ASAH1: variants seen among roughly 807,000 people sequenced by gnomAD.
ASAH1 encodes acid ceramidase.
Under a neutral mutation model 59.5 loss-of-function variants are expected in ASAH1, and 70 were observed. The observed-to-expected ratio is 1.18, with a 90% CI of 0.97 to 1.43. The LOEUF (loss-of-function observed/expected upper bound fraction) is 1.43, where lower values mean the gene tolerates loss of function less well. ASAH1 is among the 40% of genes most tolerant of loss of function. The pLI is 0.00. For synonymous variants in ASAH1, 213 were observed against 166.5 expected, an observed-to-expected ratio of 1.28 and a Z score of -2.15; for missense variants, 660 against 482.5, an observed-to-expected ratio of 1.37 and a Z score of -3.45.
At position 18,062,462 on chromosome 8, in the gene ASAH1, G is replaced by T. The variant is rs143342058; in HGVS notation, c.504-39C>A. 6.8e-6 allele frequency: 11 copies of T among 1,610,048 alleles called. No individual in the cohort carries two copies. The Admixed American group carries it at 1.8e-4, about 27-fold the overall frequency. ...GTTTCAGTGACATTTCAGAAACACAGTGATAGTAATGATCAACATGATGAT... is the reference window on the plus strand; with the variant it reads ...GTTTCAGTGACATTTCAGAAACACATTGATAGTAATGATCAACATGATGAT... On this transcript the variant is annotated intron_variant, in intron 7 of 13. Coordinates refer to ENST00000637790, the MANE Select transcript of ASAH1 (RefSeq NM_177924.5).
rs1799968527 is a variant in ASAH1 at position 18,067,249 on chromosome 8, C to A, written c.353G>T (p.Gly118Val). Residue 118 changes from glycine (G) to valine (V), a missense_variant, in exon 5 of 14, where the codon GGT becomes GTT. Physicochemically the swap from Gly to Val is moderately radical, Grantham distance 109. Coordinates refer to ENST00000637790, the MANE Select transcript of ASAH1 (RefSeq NM_177924.5). ...FPGPFEEEMKGIAAVTDIPLG... is the reference protein window; with the variant it reads ...FPGPFEEEMKVIAAVTDIPLG... ...AGGTATATCAGTAACAGCGGCAATA[C>A]CCTTCATTTCCTCTTCAAAAGGGCC... 6.2e-7 allele frequency: 1 copy of A among 1,606,176 alleles called. No homozygotes were observed. The highest frequency in any genetic ancestry group is 8.5e-7 in the Non-Finnish European group (1 of 1,175,650).
upstream of ASAH1, chr8:18,084,584 C>G: frequency 6.3e-7 from 1 of 1,576,258 alleles, no homozygotes; most frequent in Admixed American, 1.8e-5. Context: ...TATTCATCCC[C>G]ACCGCGGAGT....
intron 1 of ASAH1, chr8:18,082,536 A>G (rs1800695575): frequency 6.6e-6 from 1 of 152,188 alleles, no homozygotes; most frequent in Admixed American, 6.5e-5. Context: ...CCTGCAACGC[A>G]CAAAACACCA....
At chr8:18,084,356 T>G, upstream of ASAH1, 1 of 1,400,776 alleles carries the variant, frequency 7.1e-7, no homozygotes, top group East Asian at 2.7e-5. Context: ...CCGCGGGCAA[T>G]AGTCGGACCG....
In ASAH1 at chr8:18,061,143, G is replaced by A. The variant is rs1249131067; in HGVS notation, c.785+234C>T. On this transcript the variant is annotated intron_variant, in intron 10 of 13. Coordinates refer to ENST00000637790, the MANE Select transcript of ASAH1 (RefSeq NM_177924.5). ...CTGTACACCAAAAATATTCATAGGT[G>A]CCTTTCATAATGTCAGTATCCCTAG... 13 of 390,898 alleles carry A rather than the reference G, an allele frequency of 3.3e-5. No homozygotes were observed. The East Asian group carries it at 5.7e-4, about 17-fold the overall frequency. 24.2% of individuals were successfully genotyped at this position (390,898 alleles called of 1,614,324 possible).
chr8:18,068,337 C>G (rs2117051033), intron 4 of ASAH1: 1 of 152,322 alleles, frequency 6.6e-6, no homozygotes, highest in South Asian at 2.1e-4. Flanking sequence ...TGATAACATT[C>G]AGAGTAGAGG....
At position 18,069,863 on chromosome 8, in the gene ASAH1, T is replaced by A; in HGVS notation, c.232A>T (p.Asn78Tyr). Residue 78 changes from asparagine (N) to tyrosine (Y), a missense_variant, in exon 4 of 14, where the codon AAT (asparagine) becomes TAT (tyrosine). Transcript: ENST00000637790. ...GTATTTATCATATTCTTCAGAGAATTCACTATAACCTTTAGCTGAAAAATA... is the reference window on the plus strand; with the variant it reads ...GTATTTATCATATTCTTCAGAGAATACACTATAACCTTTAGCTGAAAAATA... ...DKAPVLKVIV[N>Y]SLKNMINTFV... The A allele has an allele frequency of 6.3e-7, 1 of 1,585,710 alleles. No homozygotes were observed. The highest frequency in any genetic ancestry group is 8.6e-7 in the Non-Finnish European group (1 of 1,157,130).
In ASAH1 at chr8:18,057,487, G is replaced by A; in HGVS notation, c.*47C>T. The A allele has an allele frequency of 7.1e-7, 1 of 1,412,630 alleles. No individual in the cohort carries two copies. The highest frequency in any genetic ancestry group is 9.9e-7 in the Non-Finnish European group (1 of 1,008,682). The allele number at this position is 1,412,630 out of a possible 1,614,324, so 87.5% of individuals were successfully genotyped here. Reference sequence around the variant, plus strand: ...CTGCAGTGTTCGGTCACATGGAGATGGTGTCTTCATGTCTCAGAGGCCGCA... The same window carrying A: ...CTGCAGTGTTCGGTCACATGGAGATAGTGTCTTCATGTCTCAGAGGCCGCA... On this transcript the variant is annotated 3_prime_UTR_variant, in exon 14 of 14. Transcript: ENST00000637790.
In ASAH1 at chr8:18,061,724, G is replaced by A. The variant is rs137853593; in HGVS notation, c.665C>T (p.Thr222Ile). The change falls in exon 9 of 14, where the codon ACA becomes ATA. Residue 222 changes from threonine (T) to isoleucine (I), a missense_variant. Coordinates refer to ENST00000637790, the MANE Select transcript of ASAH1 (RefSeq NM_177924.5). ...ATTTATACTGAAACGTTCATTCAGT[G>A]TAAGACTGAACAGTCCCTGAGAAAA... ...TGFKPGLFSL[T>I]LNERFSINGG... 2 of 1,579,358 alleles carry A rather than the reference G, an allele frequency of 1.3e-6. No homozygotes were observed. Among genetic ancestry groups the A allele is most frequent in the Admixed American group, 1.8e-5 (1 of 55,820 alleles).
At chr8:18,078,967 G>A (rs1287034398) in intron 1 of ASAH1, among the ~76,000 whole-genome samples, 1 of 152,018 alleles carries the variant, frequency 6.6e-6, no homozygotes, top group Non-Finnish European at 1.5e-5. Context: ...GTAAAAATCT[G>A]ATATTTCAAT....
At chr8:18,067,189 T>TTTTTTTTTA in intron 5 of ASAH1, 31 bp downstream of exon 5, 1 of 1,419,762 alleles carries the variant, frequency 7.0e-7, no homozygotes, top group Non-Finnish European at 9.6e-7. Context: ...TTTAATTACT[T>TTTTTTTTTA]TTTTTTTTAA....
chr8:18,077,040 G>C (rs181418913), intron 1 of ASAH1, among the ~76,000 whole-genome samples: 6 of 152,234 alleles, frequency 3.9e-5, no homozygotes, highest in Non-Finnish European at 7.4e-5. Flanking sequence ...GGGGCAGCTC[G>C]TTTAGAAAAA....
At chr8:18,081,880 A>G (rs1028889085) in intron 1 of ASAH1, among the ~76,000 whole-genome samples, 29 of 152,178 alleles carry the variant, frequency 1.9e-4, no homozygotes, top group African/African-American at 6.8e-4. Flanking sequence ...CCTTCAGTGC[A>G]TGGATCCCAG....
chr8:18,067,107 G>GTGCTGTATATCTAAGACATACAGCACCTA, intron 5 of ASAH1, 113 bp downstream of exon 5: 6 of 483,396 alleles, frequency 1.2e-5, no homozygotes, highest in Non-Finnish European at 1.4e-5. Context: ...CTGTGCACCT[G>GTGCTGTATATCTAAGACATACAGCACCTA]TGCTGTATAT....
Position 18,070,585 on chromosome 8 carries a change from G to C in ASAH1, c.217-707C>G, listed in dbSNP as rs377671416. 2.4e-4 allele frequency among the ~76,000 whole-genome samples: 37 copies of C among 152,312 alleles called. No individual in the cohort carries two copies. In the East Asian group the frequency reaches 6.6e-3, roughly 27 times the overall value. On this transcript the variant is annotated intron_variant, in intron 3 of 13. Coordinates refer to ENST00000637790, the MANE Select transcript of ASAH1 (RefSeq NM_177924.5). ...TTACAGGCATGAGCCACCGTGCCTG[G>C]CCTCGATTAATACATTAATACAGTA...
At position 18,075,644 on chromosome 8, in the gene ASAH1, A is replaced by C. The variant is rs1050221305; in HGVS notation, c.79-57T>G. ...ATAACAAATGCTTGCCAACGGAATA[A>C]GCAATTTCAAAAGTAGTTAATCTGT... On this transcript the variant is annotated intron_variant, in intron 1 of 13. Transcript: ENST00000637790. The C allele has an allele frequency of 3.9e-6, 6 of 1,537,178 alleles. No individual in the cohort carries two copies. The Admixed American group carries it at 1.0e-4, about 26-fold the overall frequency.
intron 1 of ASAH1, chr8:18,083,555 C>A: frequency 3.6e-6 from 1 of 281,174 alleles, no homozygotes; most frequent in Admixed American, 5.1e-5. Context: ...CTGCAGTATC[C>A]TGGGCTGAAC....
rs751105384 is a variant in ASAH1, at chr8:18,061,462, G to A, written c.704-4C>T. The A allele has an allele frequency of 8.7e-6, 14 of 1,608,616 alleles. No individual in the cohort carries two copies. In the South Asian group the frequency reaches 8.8e-5, roughly 10 times the overall value. Reference sequence around the variant, plus strand: ...CCCAGAATCCATTCTAGAATACCTGGAAGAGATGAACACAATGTCAGGAAC... The same window carrying A: ...CCCAGAATCCATTCTAGAATACCTGAAAGAGATGAACACAATGTCAGGAAC... On this transcript the variant is annotated splice_region_variant and splice_polypyrimidine_tract_variant and intron_variant, in intron 9 of 13. Coordinates refer to ENST00000637790, the MANE Select transcript of ASAH1 (RefSeq NM_177924.5).
At chr8:18,084,622 A>G (rs1800819167), upstream of ASAH1, 1 of 1,609,362 alleles carries the variant, frequency 6.2e-7, no homozygotes, top group Admixed American at 1.7e-5. Flanking sequence ...TGAGTGGCCG[A>G]GGAGTGAGAG....
Sources: allele counts gnomAD v4.1 joint callset (sites outside exome capture counted in the v4.1 genomes callset), GRCh38; gene constraint gnomAD v4.1.1; transcripts MANE v1.5; gene names NCBI Gene and HGNC (gene_info 2026-07-23, HGNC 2026-07-21).